Variants in BLTP2 observed in about 807,000 individuals in gnomAD.
BLTP2 encodes bridge-like lipid transfer protein family member 2.
At chr17:28,634,117 A>G in the BLTP2 span, 1 of 1,593,664 alleles carries the variant, frequency 6.3e-7, no homozygotes, top group Non-Finnish European at 8.6e-7. Context: ...CACACTGGCT[A>G]CTCAGGGGCA....
chr17:28,619,777 T>C, the BLTP2 span: 1 of 1,614,126 alleles, frequency 6.2e-7, no homozygotes, highest in South Asian at 1.1e-5. Flanking sequence ...CTGCAAAGAC[T>C]AGGGAACCAG....
the BLTP2 span, among the ~76,000 whole-genome samples, chr17:28,626,945 G>A: frequency 1.3e-5 from 2 of 152,208 alleles, no homozygotes; most frequent in Non-Finnish European, 2.9e-5. Flanking sequence ...CACAGATAAA[G>A]CAACCTGGAG....
the BLTP2 span, chr17:28,628,145 AAT>A: frequency 1.2e-6 from 1 of 864,424 alleles, no homozygotes; most frequent in Non-Finnish European, 1.8e-6. Flanking sequence ...AAGGAAAAAT[AAT>A]AGTTTCACTT....
the BLTP2 span, among the ~76,000 whole-genome samples, chr17:28,629,106 T>G: frequency 6.6e-6 from 1 of 151,820 alleles, no homozygotes; most frequent in Admixed American, 6.6e-5. Context: ...AGAAATGGAG[T>G]CTATTTTGTC....
chr17:28,624,101 T>C, the BLTP2 span: 1 of 1,313,784 alleles, frequency 7.6e-7, no homozygotes, highest in Non-Finnish European at 1.1e-6. Context: ...TAGAAGTGAT[T>C]ACCTATGATA....
chr17:28,633,851 C>G, the BLTP2 span: 1 of 1,607,562 alleles, frequency 6.2e-7, no homozygotes. Flanking sequence ...TTTCACCCAT[C>G]ACAAACGTCC....
chr17:28,642,941 A>G, the BLTP2 span: 1 of 1,611,058 alleles, frequency 6.2e-7, no homozygotes, highest in Non-Finnish European at 8.5e-7. Flanking sequence ...AGAGGTATCC[A>G]CCTTGAGAAC....
At chr17:28,619,251 G>C in the BLTP2 span, among the ~76,000 whole-genome samples, 5 of 151,572 alleles carry the variant, frequency 3.3e-5, no homozygotes, top group Non-Finnish European at 7.4e-5. Flanking sequence ...TCAACTTCAA[G>C]ACATTTTCAT....
At chr17:28,616,087 G>A in the BLTP2 span, 1 of 1,604,874 alleles carries the variant, frequency 6.2e-7, no homozygotes, top group South Asian at 1.1e-5. This position sits in a 1 kb window ranked among gnomAD's most constrained non-coding sequence, Gnocchi z 4.8. Flanking sequence ...GTGCTTGAGA[G>A]GTGCAGACCT....
the BLTP2 span, among the ~76,000 whole-genome samples, chr17:28,625,043 G>C: frequency 2.0e-5 from 3 of 152,088 alleles, no homozygotes; most frequent in Non-Finnish European, 2.9e-5. Flanking sequence ...AGATTGCTAT[G>C]AAAGTTTAAC....
At chr17:28,645,151 G>T in the BLTP2 span, 1 of 1,009,632 alleles carries the variant, frequency 9.9e-7, no homozygotes, top group Non-Finnish European at 1.3e-6. Context: ...GACCAGCTGC[G>T]CGCGCAGGAG....
At chr17:28,640,400 A>G in the BLTP2 span, 1 of 734,206 alleles carries the variant, frequency 1.4e-6, no homozygotes. Flanking sequence ...CTCAAAAATA[A>G]TAATAATTTT....
At chr17:28,635,100 A>T in the BLTP2 span, 1 of 1,612,822 alleles carries the variant, frequency 6.2e-7, no homozygotes, top group Non-Finnish European at 8.5e-7. Flanking sequence ...CATACTGATA[A>T]GGAAACTCCA....
At chr17:28,632,287 G>GTT in the BLTP2 span, 1 of 1,516,172 alleles carries the variant, frequency 6.6e-7, no homozygotes. Flanking sequence ...GAAACACAGA[G>GTT]GTAAAGCTAA....
the BLTP2 span, among the ~76,000 whole-genome samples, chr17:28,636,765 G>A: frequency 2.0e-5 from 3 of 152,214 alleles, no homozygotes; most frequent in East Asian, 3.9e-4. Context: ...GAGGCTGGGC[G>A]TGGTGGCTCA....
chr17:28,634,485 CG>C, the BLTP2 span: 1 of 1,585,736 alleles, frequency 6.3e-7, no homozygotes, highest in Admixed American at 1.8e-5. Context: ...CGGGCAAACA[CG>C]GGGTCTGCAA....
At chr17:28,631,417 C>G in the BLTP2 span, 1 of 1,436,284 alleles carries the variant, frequency 7.0e-7, no homozygotes, top group Admixed American at 1.7e-5. Context: ...TATGGCAGCC[C>G]AAGTAGGCTG....
At chr17:28,640,760 T>A in the BLTP2 span, 1 of 1,411,588 alleles carries the variant, frequency 7.1e-7, no homozygotes, top group South Asian at 1.2e-5. Context: ...CTGGCCTCTA[T>A]GGTCAAATCC....
At chr17:28,619,589 G>A in the BLTP2 span, 24 of 1,601,594 alleles carry the variant, frequency 1.5e-5, no homozygotes, top group African/African-American at 2.8e-4. Flanking sequence ...TCAAAACATG[G>A]GCAAGAAAGA....
Sources: allele counts gnomAD v4.1 joint callset (sites outside exome capture counted in the v4.1 genomes callset), GRCh38; gene constraint gnomAD v4.1.1; non-coding constraint Gnocchi (gnomAD v3.1); transcripts MANE v1.5; gene names NCBI Gene and HGNC (gene_info 2026-07-23, HGNC 2026-07-21).